The following AKAP13 variants were observed in gnomAD, a reference collection of about 807,000 sequenced individuals.
AKAP13 encodes A-kinase anchor protein 13.
In AKAP13, 80 loss-of-function variants were observed where a neutral mutation model predicts 264.5. The ratio of observed to expected loss-of-function variants is 0.30; its 90% CI spans 0.25 to 0.36. The LOEUF is 0.36. Ranked by LOEUF, AKAP13 falls within the 10% of genes least tolerant of loss-of-function variation. The pLI, the probability that AKAP13 is intolerant of heterozygous loss-of-function variation, is 1.00. For missense variants in AKAP13, 3,712 were observed against 3,435.2 expected, an observed-to-expected ratio of 1.08 and a Z score of -2.01; for synonymous variants, 1,380 against 1,250.2, an observed-to-expected ratio of 1.10 and a Z score of -2.19.
At chr15:85,490,549 T>A (rs2075693300) in intron 2 of AKAP13, among the ~76,000 whole-genome samples, 1 of 152,252 alleles carries the variant, frequency 6.6e-6, no homozygotes, top group Non-Finnish European at 1.5e-5. Flanking sequence ...GGAATTAGTA[T>A]AGTGGACTGT....
intron 12 of AKAP13, among the ~76,000 whole-genome samples, chr15:85,661,297 C>T (rs534934031): frequency 2.0e-5 from 3 of 152,186 alleles, no homozygotes; most frequent in African/African-American, 7.2e-5. Context: ...TAATGGACAC[C>T]GCTACTGGGA....
At chr15:85,438,630 A>G (rs1270732128) in intron 1 of AKAP13, among the ~76,000 whole-genome samples, 1 of 148,318 alleles carries the variant, frequency 6.7e-6, no homozygotes, top group Non-Finnish European at 1.5e-5. Context: ...ATATAGATCA[A>G]TGGAACAGAA....
chr15:85,632,039 G>A (rs2081857439), intron 8 of AKAP13, among the ~76,000 whole-genome samples: 1 of 152,106 alleles, frequency 6.6e-6, no homozygotes. Context: ...CTGCCACTGT[G>A]TGTAAAATTT....
intron 4 of AKAP13, 68 bp from the exon 5 acceptor site, chr15:85,543,704 C>G: frequency 1.3e-6 from 2 of 1,484,224 alleles, no homozygotes; most frequent in Non-Finnish European, 1.8e-6. Flanking sequence ...CATAACTTGT[C>G]TTTATGTTTG....
At chr15:85,474,377 G>A (rs935916878) in intron 1 of AKAP13, among the ~76,000 whole-genome samples, 6 of 152,092 alleles carry the variant, frequency 3.9e-5, no homozygotes, top group Non-Finnish European at 8.8e-5. Flanking sequence ...CCTGGCATCA[G>A]TGTTGATAAT....
chr15:85,410,850 A>G (rs781034594), intron 1 of AKAP13, among the ~76,000 whole-genome samples: 7 of 151,652 alleles, frequency 4.6e-5, no homozygotes, highest in African/African-American at 9.8e-5. Context: ...TCATTGGGCA[A>G]TTGATTGTAA....
chr15:85,520,734 T>C (rs778089738), intron 2 of AKAP13: 17 of 518,708 alleles, frequency 3.3e-5, no homozygotes, highest in South Asian at 2.4e-4. Flanking sequence ...GTTGAACATG[T>C]TCCAGGAGCT....
intron 9 of AKAP13, 85 bp from the exon 10 acceptor site, chr15:85,645,733 G>C: frequency 1.5e-6 from 2 of 1,375,756 alleles, no homozygotes; most frequent in South Asian, 1.4e-5. Context: ...ACTGGTTGCT[G>C]GGGTGAAAAG....
chr15:85,467,701 T>C (rs1351856219), intron 1 of AKAP13, among the ~76,000 whole-genome samples: 1 of 152,240 alleles, frequency 6.6e-6, no homozygotes, highest in East Asian at 1.9e-4. Flanking sequence ...TACTGTTCTA[T>C]CTGCAGTACC....
intron 12 of AKAP13, among the ~76,000 whole-genome samples, chr15:85,661,632 A>G (rs1439494828): frequency 2.0e-5 from 3 of 152,248 alleles, no homozygotes. Context: ...GAGGCAGGAG[A>G]ATCGCTTGAA....
chr15:85,677,768 TC>T (rs1266676880), intron 14 of AKAP13, among the ~76,000 whole-genome samples: 1 of 151,350 alleles, frequency 6.6e-6, no homozygotes, highest in Non-Finnish European at 1.5e-5. Flanking sequence ...CCGGGTAGCC[TC>T]CTGGGTAGCT....
intron 3 of AKAP13, among the ~76,000 whole-genome samples, chr15:85,527,776 A>G (rs2077123978): frequency 6.6e-6 from 1 of 152,214 alleles, no homozygotes; most frequent in Non-Finnish European, 1.5e-5. Flanking sequence ...CCTATTTCCT[A>G]TTAGAGTCTG....
In AKAP13 at chr15:85,469,130, G is replaced by T. The variant is rs1567072985; in HGVS notation, c.-11-16580G>T. ...GAATTTCACCATGTCAGCCAGGCTG[G>T]TCTTGAACTCCTGACCTCAGGTGAT... On this transcript the variant is annotated intron_variant, in intron 1 of 36. Transcript: ENST00000394518. 1.4e-5 allele frequency among the ~76,000 whole-genome samples: 2 copies of T among 139,744 alleles called. 1 individual carries two copies. The highest frequency in any genetic ancestry group is 5.8e-5 in the African/African-American group (2 of 34,708). The allele number at this position is 139,744 out of a possible 152,430, so 91.7% of individuals were successfully genotyped here.
chr15:85,741,025 T>A, intron 34 of AKAP13, 21 bp from the exon 35 acceptor site: 5 of 1,586,830 alleles, frequency 3.2e-6, no homozygotes, highest in Non-Finnish European at 4.3e-6. Context: ...GTTGCAGGGC[T>A]CCCCTCTGTG....
intron 1 of AKAP13, among the ~76,000 whole-genome samples, chr15:85,435,847 A>G (rs1032708557): frequency 1.3e-5 from 2 of 149,656 alleles, no homozygotes; most frequent in African/African-American, 4.9e-5. Context: ...AACTGGTACC[A>G]GCCGCTGCAA....
intron 17 of AKAP13, among the ~76,000 whole-genome samples, chr15:85,697,201 G>A (rs1019275539): frequency 6.6e-6 from 1 of 152,150 alleles, no homozygotes; most frequent in African/African-American, 2.4e-5. Flanking sequence ...CATGATAAAA[G>A]ATACATAGAT....
At chr15:85,596,309 T>G (rs2079824406) in intron 8 of AKAP13, among the ~76,000 whole-genome samples, 1 of 152,026 alleles carries the variant, frequency 6.6e-6, no homozygotes, top group East Asian at 1.9e-4. Context: ...TATTTAAGAG[T>G]TTTGAAAGCA....
chr15:85,469,194 C>A (rs749025121), intron 1 of AKAP13, among the ~76,000 whole-genome samples: 1 of 149,890 alleles, frequency 6.7e-6, no homozygotes, highest in Non-Finnish European at 1.5e-5. Flanking sequence ...GGATTACAGG[C>A]GTGAGCCACC....
At chr15:85,456,056 G>GTA (rs1275041850) in intron 1 of AKAP13, among the ~76,000 whole-genome samples, 1 of 152,168 alleles carries the variant, frequency 6.6e-6, no homozygotes, top group Non-Finnish European at 1.5e-5. Flanking sequence ...TGAGCCTTAA[G>GTA]TCTTAGATCT....
Sources: gnomAD v4.1 joint callset for allele counts (sites outside exome capture counted in the v4.1 genomes callset) on GRCh38, gnomAD v4.1.1 for gene constraint, MANE v1.5 for transcripts, NCBI Gene and HGNC (gene_info 2026-07-23, HGNC 2026-07-21) for gene names.